TNR: variants seen among roughly 807,000 people sequenced by gnomAD.
TNR encodes tenascin R.
TNR carries 45 observed loss-of-function variants against 150.4 expected under a neutral mutation model. The ratio of observed to expected loss-of-function variants is 0.30; its 90% CI spans 0.24 to 0.38. The LOEUF (loss-of-function observed/expected upper bound fraction) is 0.38, where lower values mean the gene tolerates loss of function less well. Among genes scored for constraint, TNR ranks in the 10% least tolerant of loss-of-function variants. The pLI is 1.00. For synonymous variants in TNR, 687 were observed against 678.4 expected, an observed-to-expected ratio of 1.01 and a Z score of -0.20; for missense variants, 1,544 against 1,759.1, an observed-to-expected ratio of 0.88 and a Z score of 2.19.
chr1:175,447,610 G>C (rs934220307), intron 2 of TNR, among the ~76,000 whole-genome samples: 2 of 152,192 alleles, frequency 1.3e-5, no homozygotes, highest in African/African-American at 4.8e-5. Flanking sequence ...CCTCAAGAAT[G>C]TTGCCTCTGC....
chr1:175,354,138 C>A (rs78979012), intron 18 of TNR, among the ~76,000 whole-genome samples: 2,999 of 152,298 alleles, frequency 0.02, 107 homozygotes, highest in African/African-American at 0.069. Context: ...AGTCACCGCA[C>A]CCAGCCAGAA....
At chr1:175,383,252 A>G (rs929233783) in intron 8 of TNR, among the ~76,000 whole-genome samples, 29 of 152,228 alleles carry the variant, frequency 1.9e-4, no homozygotes, top group Admixed American at 1.0e-3. Context: ...ATTCACAGGC[A>G]TCAGGATCAG....
chr1:175,463,881 T>A (rs958524446), intron 2 of TNR, among the ~76,000 whole-genome samples: 6 of 152,216 alleles, frequency 3.9e-5, no homozygotes, highest in African/African-American at 1.4e-4. Context: ...ACAGAATATA[T>A]GATTCCAATG....
At chr1:175,396,836 G>A (rs1321610292) in intron 4 of TNR, 29 bp from the exon 5 acceptor site, 2 of 1,593,304 alleles carry the variant, frequency 1.3e-6, no homozygotes, top group Non-Finnish European at 1.7e-6. Context: ...CAGATAGCAT[G>A]AGCTCAGAGG....
At chr1:175,364,859 A>G in intron 12 of TNR, 151 bp downstream of exon 12, 1 of 899,202 alleles carries the variant, frequency 1.1e-6, no homozygotes, top group Non-Finnish European at 1.6e-6. Flanking sequence ...CACTGGAGGA[A>G]GTAGCTGTTT....
chr1:175,462,083 A>T (rs1557948749), intron 2 of TNR, among the ~76,000 whole-genome samples: 1 of 152,218 alleles, frequency 6.6e-6, no homozygotes, highest in Non-Finnish European at 1.5e-5. Context: ...CAGGACCTAA[A>T]ATGCAATAGC....
At chr1:175,542,374 T>G (rs1660538173) in intron 1 of TNR, among the ~76,000 whole-genome samples, 1 of 152,194 alleles carries the variant, frequency 6.6e-6, no homozygotes, top group African/African-American at 2.4e-5. Context: ...CGGGTTCCTG[T>G]GGCCAGTCCC....
chr1:175,534,191 A>G (rs1660181261), intron 1 of TNR, among the ~76,000 whole-genome samples: 2 of 152,272 alleles, frequency 1.3e-5, no homozygotes, highest in African/African-American at 4.8e-5. Context: ...TGCCTGGAGG[A>G]CTCACAGGGT....
chr1:175,542,401 G>C (rs865862642), intron 1 of TNR, among the ~76,000 whole-genome samples: 6 of 152,160 alleles, frequency 3.9e-5, no homozygotes, highest in African/African-American at 9.7e-5. Flanking sequence ...TCATCATGTA[G>C]CTGCCCCTGC....
At position 175,617,449 on chromosome 1, in the gene TNR, C is replaced by T. The variant is rs989360396; in HGVS notation, c.-164-89080G>A. Among the ~76,000 whole-genome samples, 8 of 152,192 alleles carry T rather than the reference C, an allele frequency of 5.3e-5. No homozygotes were observed. In the South Asian group the frequency reaches 1.0e-3, roughly 20 times the overall value. On this transcript the variant is annotated intron_variant, in intron 1 of 22. Transcript: ENST00000367674. ...TAAGGTCGGCACTGGCTCCAGTCAG[C>T]GGGGTAGAGACGATTTGGTGACAAT...
At chr1:175,688,621 T>G (rs1193913312) in intron 1 of TNR, among the ~76,000 whole-genome samples, 3 of 152,134 alleles carry the variant, frequency 2.0e-5, no homozygotes, top group Non-Finnish European at 4.4e-5. Context: ...AGGATGCAAT[T>G]TGCATGGTGT....
intron 2 of TNR, among the ~76,000 whole-genome samples, chr1:175,474,308 G>C (rs1310477162): frequency 6.6e-6 from 1 of 152,100 alleles, no homozygotes; most frequent in Non-Finnish European, 1.5e-5. Context: ...ATTAGGGTGG[G>C]CCCTAATCCA....
chr1:175,407,302 G>A lies in TNR; in HGVS notation c.-63-525C>T, dbSNP rs140693854. On this transcript the variant is annotated intron_variant, in intron 2 of 22. Transcript: ENST00000367674. ...AATAACCAGCCAGGCAAATAATATA[G>A]TTCCAGGTAATTGTGATTGTTAATA... Among the ~76,000 whole-genome samples, 13 of 152,288 alleles carry A rather than the reference G, an allele frequency of 8.5e-5. No homozygotes were observed. The East Asian group carries it at 2.5e-3, about 29-fold the overall frequency.
At chr1:175,614,919 G>A (rs542926588) in intron 1 of TNR, among the ~76,000 whole-genome samples, 3 of 152,290 alleles carry the variant, frequency 2.0e-5, no homozygotes, top group African/African-American at 7.2e-5. Context: ...GAAGCAATGA[G>A]CAAAAATACT....
At position 175,625,326 on chromosome 1, in the gene TNR, G is replaced by A. The variant is rs570719945; in HGVS notation, c.-164-96957C>T. 2.3e-4 allele frequency among the ~76,000 whole-genome samples: 35 copies of A among 152,328 alleles called. No individual in the cohort carries two copies. The East Asian group carries it at 6.4e-3, about 28-fold the overall frequency. On this transcript the variant is annotated intron_variant, in intron 1 of 22. Transcript: ENST00000367674. ...GAATATCATGAACGCAAAGACTGTA[G>A]CAGAACTAGATGTTGGGCCCTGTCA...
intron 1 of TNR, among the ~76,000 whole-genome samples, chr1:175,673,073 C>T (rs533221259): frequency 6.6e-6 from 1 of 152,294 alleles, no homozygotes; most frequent in African/African-American, 2.4e-5. Context: ...GCAGGTGCAT[C>T]TGCATCCTTC....
At chr1:175,695,114 A>G (rs968150837) in intron 1 of TNR, among the ~76,000 whole-genome samples, 4 of 152,334 alleles carry the variant, frequency 2.6e-5, no homozygotes, top group African/African-American at 7.2e-5. Flanking sequence ...GAAGTAGAAC[A>G]TGGTAGAAGG....
intron 1 of TNR, among the ~76,000 whole-genome samples, chr1:175,628,146 T>A (rs1664211791): frequency 6.6e-6 from 1 of 152,228 alleles, no homozygotes; most frequent in African/African-American, 2.4e-5. Flanking sequence ...TCCAGGTGAT[T>A]CTGATGCCAT....
At chr1:175,614,582 C>A (rs1262847277) in intron 1 of TNR, among the ~76,000 whole-genome samples, 1 of 152,092 alleles carries the variant, frequency 6.6e-6, no homozygotes, top group East Asian at 1.9e-4. Context: ...GGGAACATAT[C>A]ATCATCATCT....
Sources: allele counts gnomAD v4.1 joint callset (sites outside exome capture counted in the v4.1 genomes callset), GRCh38; gene constraint gnomAD v4.1.1; transcripts MANE v1.5; gene names NCBI Gene and HGNC (gene_info 2026-07-23, HGNC 2026-07-21).